Variants in MACROD2 observed in about 807,000 individuals in gnomAD.
MACROD2 encodes the protein ADP-ribose glycohydrolase MACROD2.
A neutral mutation model predicts 70.4 loss-of-function variants in MACROD2; 36 were observed. The observed-to-expected ratio is 0.51, with a 90% CI of 0.39 to 0.68. MACROD2 has a LOEUF of 0.68. MACROD2 is among the 30% of genes least tolerant of loss of function. MACROD2 has a pLI of 0.00. For synonymous variants in MACROD2, 172 were observed against 178.8 expected (o/e 0.96, Z 0.30); for missense variants, 496 against 538.4 (o/e 0.92, Z 0.78).
rs575210029 is a variant in MACROD2, at chr20:14,869,985, T to C, written c.418+185026T>C. Among the ~76,000 whole-genome samples the C allele has an allele frequency of 3.3e-4, 51 of 152,250 alleles. 1 individual carries two copies. The South Asian group carries it at 9.3e-3, about 28-fold the overall frequency. ...TTTTATTTTAGTTCAGGGGTACATG[T>C]GCAAGTTTGTCATATAGGTAGACTT... is the stretch of plus-strand genomic sequence containing the variant. On this transcript the variant is annotated intron_variant, in intron 5 of 17. Transcript: ENST00000684519.
chr20:15,243,099 C>T (rs175312), intron 6 of MACROD2, among the ~76,000 whole-genome samples: 13 of 151,906 alleles, frequency 8.6e-5, no homozygotes, highest in African/African-American at 2.7e-4. Flanking sequence ...CACCCAGGAA[C>T]GAATGTGATC....
chr20:14,790,761 T>G (rs1461038930), intron 5 of MACROD2, among the ~76,000 whole-genome samples: 2 of 152,092 alleles, frequency 1.3e-5, no homozygotes, highest in African/African-American at 2.4e-5. Context: ...AGTTCCGTTT[T>G]GGGAATGAAT....
chr20:13,999,808 G>C (rs2052708588), intron 1 of MACROD2, among the ~76,000 whole-genome samples: 1 of 152,126 alleles, frequency 6.6e-6, no homozygotes, highest in South Asian at 2.1e-4. Context: ...TAACCACATT[G>C]ATAAAAGCAG....
intron 8 of MACROD2, among the ~76,000 whole-genome samples, chr20:15,509,689 A>G (rs2047474090): frequency 6.6e-6 from 1 of 152,188 alleles, no homozygotes; most frequent in African/African-American, 2.4e-5. Context: ...CCCTCACTCC[A>G]AAGAGGAAGT....
chr20:15,173,048 G>T (rs2145890726), intron 5 of MACROD2, among the ~76,000 whole-genome samples: 1 of 152,152 alleles, frequency 6.6e-6, no homozygotes, highest in South Asian at 2.1e-4. Flanking sequence ...CTGTGTGTGT[G>T]CCTGTGTGCG....
chr20:14,780,039 T>C (rs1404337665), intron 5 of MACROD2, among the ~76,000 whole-genome samples: 2 of 151,998 alleles, frequency 1.3e-5, no homozygotes. Context: ...TTCAGAGAGG[T>C]TGAATCACTC....
chr20:14,575,091 A>G (rs1358092370), intron 4 of MACROD2, among the ~76,000 whole-genome samples: 1 of 151,414 alleles, frequency 6.6e-6, no homozygotes, highest in Admixed American at 6.6e-5. Context: ...TTTAAAAATG[A>G]TAGAAAACTG....
chr20:15,557,167 A>G (rs981346368), intron 8 of MACROD2, among the ~76,000 whole-genome samples: 1 of 152,080 alleles, frequency 6.6e-6, no homozygotes, highest in African/African-American at 2.4e-5. Context: ...AAAAAGCCAC[A>G]TTCAACGGGG....
intron 3 of MACROD2, among the ~76,000 whole-genome samples, chr20:14,443,037 C>G (rs1294543965): frequency 6.6e-6 from 1 of 151,252 alleles, no homozygotes; most frequent in Non-Finnish European, 1.5e-5. Context: ...CGAGATCGCG[C>G]CACTGTACTC....
intron 8 of MACROD2, among the ~76,000 whole-genome samples, chr20:15,835,360 C>T (rs6043569): frequency 0.8 from 120,818 of 151,904 alleles, 48,511 homozygotes; most frequent in African/African-American, 0.89. Context: ...ATTATGGAGT[C>T]AAAAAAAATG....
intron 3 of MACROD2, among the ~76,000 whole-genome samples, chr20:14,090,061 T>C (rs2054127029): frequency 6.6e-6 from 1 of 152,192 alleles, no homozygotes; most frequent in Non-Finnish European, 1.5e-5. Flanking sequence ...GTTGCCATTT[T>C]TATGTCCATG....
chr20:15,349,087 A>G (rs758835493), intron 6 of MACROD2, among the ~76,000 whole-genome samples: 31 of 152,138 alleles, frequency 2.0e-4, no homozygotes, highest in Non-Finnish European at 4.4e-4. Flanking sequence ...GAATTTTAGC[A>G]TGCACCCAGA....
chr20:14,758,666 T>G (rs2071974504), intron 5 of MACROD2, among the ~76,000 whole-genome samples: 1 of 152,138 alleles, frequency 6.6e-6, no homozygotes, highest in African/African-American at 2.4e-5. Context: ...TAGGCTTTAG[T>G]GTGCTGCCAT....
intron 5 of MACROD2, among the ~76,000 whole-genome samples, chr20:14,864,993 A>G (rs540203560): frequency 3.5e-4 from 53 of 152,190 alleles, no homozygotes; most frequent in Admixed American, 3.3e-3. Context: ...CAAATTGCTC[A>G]TATATACGTA....
At chr20:15,240,147 G>A (rs1296083555) in intron 6 of MACROD2, among the ~76,000 whole-genome samples, 1 of 152,172 alleles carries the variant, frequency 6.6e-6, no homozygotes, top group Non-Finnish European at 1.5e-5. Flanking sequence ...CATGATTCAT[G>A]CTTCTGACCT....
chr20:15,424,219 A>G (rs1266351784), intron 6 of MACROD2, among the ~76,000 whole-genome samples: 1 of 152,246 alleles, frequency 6.6e-6, no homozygotes, highest in Non-Finnish European at 1.5e-5. Flanking sequence ...TATATGGTAA[A>G]GGGTATGTGT....
rs188356543 is a variant in MACROD2, at chr20:15,022,339, A to T, written c.419-207601A>T. On this transcript the variant is annotated intron_variant, in intron 5 of 17. Coordinates refer to ENST00000684519, the MANE Select transcript of MACROD2 (RefSeq NM_001351661.2). Reference sequence around the variant, plus strand: ...CAATTCACGGTCTGAAGTATTTAGGATCTAATGGCAGAAAAGCTCCATTTT... The same window carrying T: ...CAATTCACGGTCTGAAGTATTTAGGTTCTAATGGCAGAAAAGCTCCATTTT... Among the ~76,000 whole-genome samples the T allele has an allele frequency of 4.3e-3, 661 of 152,254 alleles. 6 individuals carry two copies. Among genetic ancestry groups the T allele is most frequent in the South Asian group, 0.028 (134 of 4,830 alleles).
At chr20:14,019,236 C>G (rs2053036092) in intron 2 of MACROD2, among the ~76,000 whole-genome samples, 1 of 152,134 alleles carries the variant, frequency 6.6e-6, no homozygotes, top group Non-Finnish European at 1.5e-5. Context: ...TGGAGTTTTA[C>G]TATTACTCAA....
chr20:14,895,944 A>G lies in MACROD2; in HGVS notation c.418+210985A>G, dbSNP rs544072949. ...TTAAGCTGAGAGCTCACTGGTTACCATATATGTTTCTCTTTAACACAAGAA... is the reference window on the plus strand; with the variant it reads ...TTAAGCTGAGAGCTCACTGGTTACCGTATATGTTTCTCTTTAACACAAGAA... On this transcript the variant is annotated intron_variant, in intron 5 of 17. Transcript: ENST00000684519. Among the ~76,000 whole-genome samples, 74 of 152,352 alleles carry G rather than the reference A, an allele frequency of 4.9e-4. 1 individual carries two copies. The highest frequency in any genetic ancestry group is 1.7e-3 in the African/African-American group (69 of 41,582).
Sources: gnomAD v4.1 joint callset for allele counts (sites outside exome capture counted in the v4.1 genomes callset) on GRCh38, gnomAD v4.1.1 for gene constraint, MANE v1.5 for transcripts, NCBI Gene and HGNC (gene_info 2026-07-23, HGNC 2026-07-21) for gene names.